The following RIN3 variants were observed in gnomAD, a reference collection of about 807,000 sequenced individuals.
RIN3 encodes Ras and Rab interactor 3.
RIN3 carries 54 observed loss-of-function variants against 76.3 expected under a neutral mutation model. The ratio of observed to expected loss-of-function variants is 0.71; its 90% CI spans 0.57 to 0.89. The LOEUF (loss-of-function observed/expected upper bound fraction) is 0.89, where lower values mean the gene tolerates loss of function less well. Among genes scored for constraint, RIN3 ranks in the 40% least tolerant of loss-of-function variants. RIN3 has a pLI of 0.00. For missense variants in RIN3, 1,256 were observed against 1,322.1 expected (o/e 0.95, Z 0.78); for synonymous variants, 576 against 564.0 (o/e 1.02, Z -0.30).
intron 4 of RIN3, among the ~76,000 whole-genome samples, chr14:92,632,879 G>A (rs1024439275): frequency 3.3e-5 from 5 of 152,198 alleles, no homozygotes; most frequent in African/African-American, 4.8e-5. Flanking sequence ...GGGCAGAACC[G>A]CATAATGGGT....
chr14:92,576,512 A>G, intron 2 of RIN3: 1 of 839,866 alleles, frequency 1.2e-6, no homozygotes, highest in South Asian at 1.5e-5. Context: ...CAGAGGCCTC[A>G]TGGCATGGAG....
At chr14:92,570,844 CAT>C (rs1388581306) in intron 2 of RIN3, among the ~76,000 whole-genome samples, 1 of 152,182 alleles carries the variant, frequency 6.6e-6, no homozygotes, top group Non-Finnish European at 1.5e-5. Flanking sequence ...TGACATTTTC[CAT>C]ATGAGACCAC....
chr14:92,573,331 C>T (rs1469528654), intron 2 of RIN3, among the ~76,000 whole-genome samples: 1 of 152,190 alleles, frequency 6.6e-6, no homozygotes, highest in Non-Finnish European at 1.5e-5. Context: ...GTGACACACC[C>T]AGGTAGCTAA....
chr14:92,557,622 C>A (rs747365231), intron 2 of RIN3, among the ~76,000 whole-genome samples: 2 of 152,262 alleles, frequency 1.3e-5, no homozygotes, highest in Non-Finnish European at 2.9e-5. Context: ...CTGACCTCCT[C>A]TTGCTACAGA....
chr14:92,520,024 C>T (rs926253300), intron 1 of RIN3, among the ~76,000 whole-genome samples: 1 of 152,196 alleles, frequency 6.6e-6, no homozygotes, highest in Admixed American at 6.5e-5. Context: ...GGGACTGCCC[C>T]CAAAGCAGAA....
intron 4 of RIN3, among the ~76,000 whole-genome samples, chr14:92,628,509 A>T (rs142603341): frequency 2.0e-5 from 3 of 152,086 alleles, no homozygotes; most frequent in African/African-American, 4.8e-5. Context: ...GCCACTTTCC[A>T]TGTGTTCCCT....
chr14:92,535,211 G>T (rs1201019892), intron 1 of RIN3, among the ~76,000 whole-genome samples: 1 of 152,126 alleles, frequency 6.6e-6, no homozygotes, highest in Non-Finnish European at 1.5e-5. Context: ...CCTATTCATT[G>T]TCTGGTCTTT....
chr14:92,625,469 T>C (rs1018697064), intron 4 of RIN3, among the ~76,000 whole-genome samples: 1 of 152,200 alleles, frequency 6.6e-6, no homozygotes, highest in African/African-American at 2.4e-5. Flanking sequence ...TCTCTAGTAA[T>C]ACTTTAACCA....
chr14:92,613,279 G>A (rs767678824), intron 3 of RIN3, among the ~76,000 whole-genome samples: 4 of 152,088 alleles, frequency 2.6e-5, no homozygotes, highest in East Asian at 1.9e-4. Context: ...CACCAGATGC[G>A]GGCACTAGGT....
At chr14:92,635,033 TC>T (rs1014040221) in intron 4 of RIN3, among the ~76,000 whole-genome samples, 1 of 152,140 alleles carries the variant, frequency 6.6e-6, no homozygotes, top group Admixed American at 6.5e-5. Context: ...AGTGTCTAGT[TC>T]CCTTTGGTTT....
chr14:92,658,704 G>A (rs1021245331), intron 6 of RIN3, among the ~76,000 whole-genome samples: 1 of 152,194 alleles, frequency 6.6e-6, no homozygotes, highest in South Asian at 2.1e-4. Flanking sequence ...TGGATGTACT[G>A]TATTTTTGAG....
chr14:92,564,813 C>G (rs772533334), intron 2 of RIN3, among the ~76,000 whole-genome samples: 1 of 151,660 alleles, frequency 6.6e-6, no homozygotes, highest in East Asian at 2.0e-4. Flanking sequence ...ATGGAGGAAA[C>G]GCGCACACAC....
intron 6 of RIN3, among the ~76,000 whole-genome samples, chr14:92,655,303 G>A (rs1281197025): frequency 6.6e-6 from 1 of 152,232 alleles, no homozygotes; most frequent in Non-Finnish European, 1.5e-5. Flanking sequence ...AGCCGAGATT[G>A]TGCCACTGCA....
chr14:92,531,988 G>A (rs1012104624), intron 1 of RIN3, among the ~76,000 whole-genome samples: 14 of 151,862 alleles, frequency 9.2e-5, no homozygotes, highest in African/African-American at 2.9e-4. Context: ...GAGTGCAGTG[G>A]TGTGATCTCG....
At chr14:92,630,776 G>C (rs1231459730) in intron 4 of RIN3, among the ~76,000 whole-genome samples, 4 of 152,218 alleles carry the variant, frequency 2.6e-5, no homozygotes, top group Non-Finnish European at 5.9e-5. Context: ...CCAGGCCTGA[G>C]TTTGTGAGTA....
At chr14:92,527,720 C>A (rs1566827886) in intron 1 of RIN3, among the ~76,000 whole-genome samples, 1 of 152,152 alleles carries the variant, frequency 6.6e-6, no homozygotes, top group Non-Finnish European at 1.5e-5. Flanking sequence ...CTACGTTCTG[C>A]CGTTTCGAGA....
At chr14:92,553,115 C>T (rs1352007840) in intron 1 of RIN3, among the ~76,000 whole-genome samples, 4 of 151,850 alleles carry the variant, frequency 2.6e-5, no homozygotes, top group Non-Finnish European at 4.4e-5. Flanking sequence ...TCCCAGTCCC[C>T]ATTGCACAGA....
chr14:92,604,734 G>A (rs1334785796), intron 3 of RIN3, among the ~76,000 whole-genome samples: 3 of 150,992 alleles, frequency 2.0e-5, no homozygotes, highest in East Asian at 1.9e-4. Context: ...CATCTCTCTC[G>A]CCCTACCAAC....
At chr14:92,633,812 A>T (rs1448255343) in intron 4 of RIN3, among the ~76,000 whole-genome samples, 1 of 151,978 alleles carries the variant, frequency 6.6e-6, no homozygotes, top group Non-Finnish European at 1.5e-5. Context: ...TCAGAATCTC[A>T]TGTAGCTGGA....
Sources: allele counts gnomAD v4.1 joint callset (sites outside exome capture counted in the v4.1 genomes callset), GRCh38; gene constraint gnomAD v4.1.1; transcripts MANE v1.5; gene names NCBI Gene and HGNC (gene_info 2026-07-23, HGNC 2026-07-21).